The following DAB1 variants were observed in gnomAD, a reference collection of about 807,000 sequenced individuals.
The protein encoded by DAB1 is DAB adaptor protein 1, also known as disabled homolog 1.
Under a neutral mutation model 64.6 loss-of-function variants are expected in DAB1, and 15 were observed. The ratio of observed to expected loss-of-function variants is 0.23; its 90% confidence interval spans 0.16 to 0.36. The LOEUF is 0.36. Among genes scored for constraint, DAB1 ranks in the 10% least tolerant of loss-of-function variants. DAB1 has a pLI of 1.00. For missense variants in DAB1, 596 were observed against 706.7 expected (o/e 0.84, Z 1.78); for synonymous variants, 235 against 251.9 (o/e 0.93, Z 0.64).
intron 2 of DAB1, among the ~76,000 whole-genome samples, chr1:58,522,902 G>A (rs1245842028): frequency 6.6e-6 from 1 of 152,216 alleles, no homozygotes; most frequent in East Asian, 1.9e-4. Context: ...AGAAGGAAGA[G>A]GAGAGTTGGT....
In DAB1 at chr1:58,542,245, T is replaced by A. The variant is rs143487249; in HGVS notation, n.32+4458A>T. On this transcript the variant is annotated intron_variant and non_coding_transcript_variant, in intron 1 of 20. Coordinates refer to the DAB1 transcript ENST00000485760. ...AGTTTGACATTATTAACAAGATACT[T>A]TGTTTTTACTTTTTTGAACCAAGCT... 1.5e-3 allele frequency among the ~76,000 whole-genome samples: 228 copies of A among 152,344 alleles called. 7 individuals carry two copies. In the East Asian group the frequency reaches 0.042, roughly 28 times the overall value.
At chr1:58,466,499 G>A (rs1645297160) in intron 3 of DAB1, among the ~76,000 whole-genome samples, 1 of 152,100 alleles carries the variant, frequency 6.6e-6, no homozygotes. Flanking sequence ...GCCCAAGGGA[G>A]GTCCCTGAAG....
intron 4 of DAB1, among the ~76,000 whole-genome samples, chr1:58,219,602 C>T (rs1417015539): frequency 2.0e-5 from 3 of 152,186 alleles, no homozygotes; most frequent in Non-Finnish European, 4.4e-5. Context: ...ACTCCTTCCA[C>T]GCTCCTCACC....
chr1:58,115,935 AT>A (rs552840745), intron 5 of DAB1, among the ~76,000 whole-genome samples: 5,396 of 145,446 alleles, frequency 0.037, 153 homozygotes, highest in Admixed American at 0.063. Context: ...ACATGTATAC[AT>A]ATGTAACTAA....
chr1:58,012,992 T>G (rs1646690058), intron 5 of DAB1, among the ~76,000 whole-genome samples: 1 of 152,176 alleles, frequency 6.6e-6, no homozygotes, highest in South Asian at 2.1e-4. Context: ...GGGTGTGGAC[T>G]GACTCAATGC....
intron 13 of DAB1, 57 bp from the exon 14 acceptor site, chr1:57,010,847 T>C: frequency 7.8e-7 from 1 of 1,281,460 alleles, no homozygotes; most frequent in Non-Finnish European, 1.1e-6. Context: ...ATTGAAAATA[T>C]AAGACACCTG....
intron 4 of DAB1, among the ~76,000 whole-genome samples, chr1:58,237,518 AT>A (rs902440614): frequency 6.6e-6 from 1 of 151,858 alleles, no homozygotes; most frequent in Non-Finnish European, 1.5e-5. Flanking sequence ...CTTGGGGGTC[AT>A]TTTTTTCTTT....
At chr1:57,296,730 G>A (rs1163248368) in intron 1 of DAB1, among the ~76,000 whole-genome samples, 1 of 152,112 alleles carries the variant, frequency 6.6e-6, no homozygotes, top group African/African-American at 2.4e-5. Flanking sequence ...AACAAATGGG[G>A]TAAGAATGGA....
chr1:57,421,910 G>GGA (rs1314987120), intron 1 of DAB1, among the ~76,000 whole-genome samples: 4 of 115,066 alleles, frequency 3.5e-5, no homozygotes, highest in Non-Finnish European at 7.6e-5. Context: ...GGCGGGGGGG[G>GGA]GGGTGGCGGG....
At chr1:57,007,038 C>A (rs1408980131) in intron 14 of DAB1, among the ~76,000 whole-genome samples, 2 of 151,888 alleles carry the variant, frequency 1.3e-5, no homozygotes, top group Admixed American at 6.6e-5. Context: ...TTCTCTCTCT[C>A]TCTTCCTCTC....
chr1:57,246,571 T>A (rs1400003408), intron 2 of DAB1, among the ~76,000 whole-genome samples: 1 of 152,180 alleles, frequency 6.6e-6, no homozygotes. Context: ...GGAGCCCCCC[T>A]ACCCCACAGA....
At chr1:57,508,686 T>C (rs1049932484) in intron 7 of DAB1, among the ~76,000 whole-genome samples, 2 of 152,148 alleles carry the variant, frequency 1.3e-5, no homozygotes, top group African/African-American at 2.4e-5. Flanking sequence ...AGGCAGGTAG[T>C]GGGATGGATT....
At chr1:57,611,551 A>G (rs1398712218) in intron 7 of DAB1, among the ~76,000 whole-genome samples, 1 of 152,148 alleles carries the variant, frequency 6.6e-6, no homozygotes, top group Non-Finnish European at 1.5e-5. Flanking sequence ...CACCTATCTC[A>G]TAGTGCCGTT....
intron 7 of DAB1, among the ~76,000 whole-genome samples, chr1:57,460,953 T>G (rs1451459687): frequency 6.6e-6 from 1 of 152,192 alleles, no homozygotes; most frequent in Non-Finnish European, 1.5e-5. Flanking sequence ...GTTACATAGG[T>G]AAACGTGTGC....
intron 2 of DAB1, among the ~76,000 whole-genome samples, chr1:57,273,076 C>T (rs546258930): frequency 1.3e-5 from 2 of 152,286 alleles, no homozygotes; most frequent in South Asian, 2.1e-4. Context: ...TCTATTTGCA[C>T]CACCTTTTAA....
chr1:57,941,128 C>T (rs1645097997), intron 5 of DAB1, among the ~76,000 whole-genome samples: 1 of 152,242 alleles, frequency 6.6e-6, no homozygotes, highest in Admixed American at 6.5e-5. Flanking sequence ...GACCCCTCAA[C>T]ATCCCAGGAT....
At chr1:57,470,003 G>A (rs1215162081) in intron 7 of DAB1, among the ~76,000 whole-genome samples, 3 of 152,204 alleles carry the variant, frequency 2.0e-5, no homozygotes, top group African/African-American at 7.2e-5. Context: ...TTGAGGAAAT[G>A]CTGAACTAGG....
intron 1 of DAB1, among the ~76,000 whole-genome samples, chr1:57,340,641 G>T (rs1299383067): frequency 7.2e-6 from 1 of 139,332 alleles, no homozygotes; most frequent in Non-Finnish European, 1.6e-5. Context: ...CCAGGTCAGT[G>T]TCTAACAATA....
chr1:57,609,177 T>C (rs1645695698), intron 7 of DAB1, among the ~76,000 whole-genome samples: 1 of 151,940 alleles, frequency 6.6e-6, no homozygotes, highest in African/African-American at 2.4e-5. Context: ...AAATAATAAA[T>C]ACAGTCAGTT....
Sources: gnomAD v4.1 joint callset for allele counts (sites outside exome capture counted in the v4.1 genomes callset) on GRCh38, gnomAD v4.1.1 for gene constraint, MANE v1.5 for transcripts, NCBI Gene and HGNC (gene_info 2026-07-23, HGNC 2026-07-21) for gene names.